The following DHDH variants were observed in gnomAD, a reference collection of about 807,000 sequenced individuals.
DHDH encodes trans-1,2-dihydrobenzene-1,2-diol dehydrogenase.
DHDH carries 29 observed loss-of-function variants against 33.2 expected under a neutral mutation model. That is an observed-to-expected ratio of 0.87 (90% confidence interval 0.65 to 1.19). DHDH has a LOEUF of 1.19. Ranked by LOEUF, DHDH falls within the 50% of genes most tolerant of loss-of-function variation. The probability of loss-of-function intolerance (pLI) is 0.00; values close to 1 mark genes in which losing one functional copy is unlikely to be tolerated. For missense variants in DHDH, 431 were observed against 455.0 expected, an observed-to-expected ratio of 0.95 and a Z score of 0.48; for synonymous variants, 201 against 187.9, an observed-to-expected ratio of 1.07 and a Z score of -0.57.
chr19:48,935,600 G>A (rs1020924766), intron 2 of DHDH, among the ~76,000 whole-genome samples: 6 of 151,774 alleles, frequency 4.0e-5, no homozygotes, highest in African/African-American at 1.2e-4. Flanking sequence ...GGCAGATCAT[G>A]AGGTCCGGAG....
intron 5 of DHDH, 132 bp downstream of exon 5, chr19:48,942,696 G>A (rs2037882389): frequency 1.4e-6 from 2 of 1,404,064 alleles, no homozygotes; most frequent in Non-Finnish European, 1.9e-6. Flanking sequence ...CCTTAACCAA[G>A]CCAAGAGGTG....
At chr19:48,933,623 G>A, upstream of DHDH, 1 of 1,115,406 alleles carries the variant, frequency 9.0e-7, no homozygotes, top group Non-Finnish European at 1.3e-6. Context: ...GGCGCAATAC[G>A]GGCGGAGGAT....
chr19:48,933,490 C>G (rs915703500), upstream of DHDH, among the ~76,000 whole-genome samples: 1 of 152,188 alleles, frequency 6.6e-6, no homozygotes, highest in African/African-American at 2.4e-5. Context: ...GGTAAGAGAT[C>G]TGTAGAAGCG....
chr19:48,943,172 C>T (rs972222833), intron 5 of DHDH, among the ~76,000 whole-genome samples: 1 of 151,772 alleles, frequency 6.6e-6, no homozygotes, highest in Admixed American at 6.6e-5. Flanking sequence ...CCCTGGAGGT[C>T]GAGGCTGCAG....
rs777276782 is a variant in DHDH, at chr19:48,933,701, C to A, written c.-21C>A. The A allele has an allele frequency of 4.3e-6, 7 of 1,612,566 alleles. No homozygotes were observed. In the South Asian group the frequency reaches 7.7e-5, roughly 18 times the overall value. On this transcript the variant is annotated 5_prime_UTR_variant, in exon 1 of 7. Coordinates refer to ENST00000221403, the MANE Select transcript of DHDH (RefSeq NM_014475.4). Reference sequence around the variant, plus strand: ...TCGCGCCTGGAGGGACCGAAGGTGCCGAGGGCTCCGCATCGCAACCATGGC... The same window carrying A: ...TCGCGCCTGGAGGGACCGAAGGTGCAGAGGGCTCCGCATCGCAACCATGGC...
chr19:48,943,567 T>A (rs1452959772), intron 5 of DHDH, among the ~76,000 whole-genome samples: 1 of 151,810 alleles, frequency 6.6e-6, no homozygotes, highest in Admixed American at 6.6e-5. Context: ...GGCTCACACC[T>A]GTAATCCCAG....
At chr19:48,942,356 G>C in intron 4 of DHDH, 84 bp from the exon 5 acceptor site, 1 of 1,377,830 alleles carries the variant, frequency 7.3e-7, no homozygotes, top group Non-Finnish European at 9.6e-7. Flanking sequence ...CTTGCCCAAG[G>C]TTCCACAGGC....
Position 48,935,040 on chromosome 19 carries a change from AGTTT to A in DHDH, c.133_136del (p.Phe45HisfsTer38). ...GCCCGCGATCTGAGCCGTGCGAAGGAGTTTGCACAGAAACACGACATCCCCAAGG... is the reference window on the plus strand; with the variant it reads ...GCCCGCGATCTGAGCCGTGCGAAGGAGCACAGAAACACGACATCCCCAAGG... On this transcript the variant is annotated frameshift_variant, in exon 2 of 7. Transcript: ENST00000221403. LOFTEE classifies it high-confidence loss of function. The A allele has an allele frequency of 6.3e-7, 1 of 1,590,594 alleles. No individual in the cohort carries two copies.
chr19:48,936,144 A>T lies in DHDH; in HGVS notation c.315A>T (p.Glu105Asp), dbSNP rs149337268. Residue 105 changes from glutamate to aspartate, a missense_variant, in exon 3 of 7, where the codon GAA (glutamate) becomes GAT (aspartate). Physicochemically the swap from Glu to Asp is conservative, Grantham distance 45 (BLOSUM62 2). Coordinates refer to ENST00000221403, the MANE Select transcript of DHDH (RefSeq NM_014475.4). The part of the protein sequence containing the change: ...CEKPTGVNAA[E>D]VREMVAEARS... ...AGCCCACGGGCGTGAACGCGGCGGA[A>T]GTTCGCGAGATGGTCGCGGAGGCCC... 1.3e-4 allele frequency: 203 copies of T among 1,608,880 alleles called. 1 individual carries two copies. In the African/African-American group the frequency reaches 2.2e-3, roughly 17 times the overall value.
chr19:48,939,777 T>C, intron 4 of DHDH, 76 bp downstream of exon 4: 2 of 1,498,686 alleles, frequency 1.3e-6, no homozygotes, highest in South Asian at 2.6e-5. Flanking sequence ...TGAGGACAAG[T>C]CTCCAAGTCA....
At chr19:48,943,434 T>C (rs1004368229) in intron 5 of DHDH, among the ~76,000 whole-genome samples, 2 of 151,706 alleles carry the variant, frequency 1.3e-5, no homozygotes, top group Non-Finnish European at 2.9e-5. Context: ...CTTACACCTG[T>C]AATCCCAGCG....
In DHDH at chr19:48,939,480, A is replaced by AG; in HGVS notation, c.400dup (p.Ala134GlyfsTer72). ...TGGACCCGCTTCTTTCCTGCCTCCG[A>AG]GGCTCTGAGGTCTGTTTTGGCCCAG... On this transcript the variant is annotated frameshift_variant, in exon 4 of 7. Transcript: ENST00000221403. LOFTEE classifies it high-confidence loss of function. 3 of 1,613,354 alleles carry AG rather than the reference A, an allele frequency of 1.9e-6. No homozygotes were observed. The highest frequency in any genetic ancestry group is 1.7e-6 in the Non-Finnish European group (2 of 1,179,496).
At chr19:48,940,597 T>TA (rs2037845352) in intron 4 of DHDH, among the ~76,000 whole-genome samples, 1 of 151,732 alleles carries the variant, frequency 6.6e-6, no homozygotes, top group African/African-American at 2.4e-5. Flanking sequence ...CTCACGCCTG[T>TA]AATCCCAGCA....
Position 48,934,419 on chromosome 19 carries a change from A to G in DHDH, c.91-581A>G, listed in dbSNP as rs2122240826. On this transcript the variant is annotated intron_variant, in intron 1 of 6. Coordinates refer to ENST00000221403, the MANE Select transcript of DHDH (RefSeq NM_014475.4). The stretch of plus-strand genomic sequence containing the variant: ...GTCTGTGCTGAGGAGGAGTAGTGAA[A>G]GAGGGAGGCCTCTCTGCAGTTGAGA... Among the ~76,000 whole-genome samples, 3 of 152,264 alleles carry G rather than the reference A, an allele frequency of 2.0e-5. 1 individual carries two copies. Among genetic ancestry groups the G allele is most frequent in the Admixed American group, 2.0e-4 (3 of 15,276 alleles).
intron 3 of DHDH, among the ~76,000 whole-genome samples, chr19:48,937,572 A>G (rs28537774): frequency 0.35 from 52,563 of 151,322 alleles, 12,477 homozygotes; most frequent in African/African-American, 0.67. Context: ...CAGCACTTCG[A>G]GAGGCAGAGG....
chr19:48,944,610 A>C, intron 6 of DHDH, 103 bp downstream of exon 6: 1 of 1,498,306 alleles, frequency 6.7e-7, no homozygotes, highest in Non-Finnish European at 9.0e-7. Context: ...ATCTCCCAGG[A>C]GGTTGCAGTG....
At position 48,939,493 on chromosome 19, in the gene DHDH, T is replaced by C. The variant is rs2037825903; in HGVS notation, c.411T>C (p.Ser137=). The change falls in exon 4 of 7, where the codon TCT becomes TCC. Residue 137 remains serine (S), a synonymous_variant. Transcript: ENST00000221403. The stretch of plus-strand genomic sequence containing the variant: ...TTCCTGCCTCCGAGGCTCTGAGGTC[T>C]GTTTTGGCCCAGGGAACTCTAGGAG... ...RFFPASEALR[S]VLAQGTLGDL... The C allele has an allele frequency of 6.2e-7, 1 of 1,613,766 alleles. No homozygotes were observed. The highest frequency in any genetic ancestry group is 8.5e-7 in the Non-Finnish European group (1 of 1,179,862).
chr19:48,942,513 C>T lies in DHDH; in HGVS notation c.693C>T (p.Thr231=), dbSNP rs375110789. 65 of 1,613,750 alleles carry T rather than the reference C, an allele frequency of 4.0e-5. No individual in the cohort carries two copies. Among genetic ancestry groups the T allele is most frequent in the Admixed American group, 3.0e-4 (18 of 59,984 alleles). Residue 231 remains threonine, a synonymous_variant, in exon 5 of 7, where the codon ACC becomes ACT. Transcript: ENST00000221403. ...ATGGCAGCTTCACCTGCAGCATCAC[C>T]GTGCAGCTCTCCAACACGGCCTCCG... ...EVHGSFTCSI[T]VQLSNTASVS...
upstream of DHDH, chr19:48,933,639 C>T: frequency 1.5e-6 from 2 of 1,369,846 alleles, no homozygotes; most frequent in South Asian, 2.3e-5. Context: ...AGGATGGGGA[C>T]CCGCCCCCGG....
Sources: allele counts gnomAD v4.1 joint callset (sites outside exome capture counted in the v4.1 genomes callset), GRCh38; gene constraint gnomAD v4.1.1; transcripts MANE v1.5; gene names NCBI Gene and HGNC (gene_info 2026-07-23, HGNC 2026-07-21).